Variants in AKT3 observed in about 807,000 individuals in gnomAD.
AKT3 encodes the protein AKT serine/threonine kinase 3, also known as RAC-gamma serine/threonine-protein kinase.
In AKT3, 15 loss-of-function variants were observed where a neutral mutation model predicts 65.3. The observed-to-expected ratio is 0.23, with a 90% CI of 0.15 to 0.35. The LOEUF is 0.35. Among genes scored for constraint, AKT3 ranks in the 10% least tolerant of loss-of-function variants. AKT3 has a pLI of 1.00. For synonymous variants in AKT3, 206 were observed against 183.8 expected, an observed-to-expected ratio of 1.12 and a Z score of -0.98; for missense variants, 243 against 576.5, an observed-to-expected ratio of 0.42 and a Z score of 5.92.
intron 4 of AKT3, among the ~76,000 whole-genome samples, chr1:243,659,075 A>G (rs950586073): frequency 6.6e-6 from 1 of 152,148 alleles, no homozygotes; most frequent in African/African-American, 2.4e-5. Context: ...ATACAATGGA[A>G]TATTATTCAG....
At chr1:243,560,604 T>C (rs1327785598) in intron 10 of AKT3, among the ~76,000 whole-genome samples, 1 of 152,146 alleles carries the variant, frequency 6.6e-6, no homozygotes, top group East Asian at 1.9e-4. Context: ...CCACCAAGGA[T>C]GGGTATACAA....
intron 1 of AKT3, chr1:243,843,594 G>A (rs2148478495): frequency 3.0e-6 from 3 of 1,002,428 alleles, no homozygotes; most frequent in Non-Finnish European, 2.4e-6. Context: ...GGTGAAGAGG[G>A]AAGAGAATGA....
intron 1 of AKT3, among the ~76,000 whole-genome samples, chr1:243,848,793 T>G (rs1203887946): frequency 6.6e-6 from 1 of 152,258 alleles, no homozygotes; most frequent in African/African-American, 2.4e-5. Context: ...TTACCCAATA[T>G]AGATGCATAG....
intron 2 of AKT3, among the ~76,000 whole-genome samples, chr1:243,714,599 T>C (rs1686385191): frequency 1.3e-5 from 2 of 152,190 alleles, no homozygotes; most frequent in South Asian, 4.1e-4. Flanking sequence ...TCCTTGCATA[T>C]GTCCTAAAAA....
At chr1:243,594,042 T>C (rs1000255040) in intron 8 of AKT3, among the ~76,000 whole-genome samples, 1 of 152,154 alleles carries the variant, frequency 6.6e-6, no homozygotes, top group South Asian at 2.1e-4. Flanking sequence ...ACTATCTACA[T>C]AGACATTTCA....
At chr1:243,701,353 A>C (rs561501982) in intron 2 of AKT3, among the ~76,000 whole-genome samples, 18 of 152,324 alleles carry the variant, frequency 1.2e-4, no homozygotes, top group African/African-American at 4.3e-4. Flanking sequence ...TCCAGAACCT[A>C]GTTCTAATTC....
chr1:243,642,483 G>A (rs938458322), intron 5 of AKT3, among the ~76,000 whole-genome samples: 78 of 152,066 alleles, frequency 5.1e-4, no homozygotes, highest in Non-Finnish European at 3.2e-4. Flanking sequence ...TTAATTTTTT[G>A]TATTTTTAGT....
intron 2 of AKT3, among the ~76,000 whole-genome samples, chr1:243,777,308 C>A (rs1351572074): frequency 1.3e-5 from 2 of 152,216 alleles, no homozygotes; most frequent in Non-Finnish European, 2.9e-5. Flanking sequence ...CACAGCTAAT[C>A]TGACAAGAGG....
chr1:243,536,527 A>T (rs574951983), intron 12 of AKT3, among the ~76,000 whole-genome samples: 22 of 152,286 alleles, frequency 1.4e-4, no homozygotes, highest in African/African-American at 5.3e-4. Flanking sequence ...TTAGCCTCAA[A>T]TTATTATTGT....
At chr1:243,806,047 T>A (rs1692703362) in intron 2 of AKT3, among the ~76,000 whole-genome samples, 1 of 152,138 alleles carries the variant, frequency 6.6e-6, no homozygotes, top group African/African-American at 2.4e-5. Flanking sequence ...GCTTCCTATT[T>A]TCTATTGCCT....
Position 243,504,685 on chromosome 1 carries a change from T to C in AKT3, c.*564A>G, listed in dbSNP as rs1209225039. On this transcript the variant is annotated 3_prime_UTR_variant, in exon 14 of 14. Transcript: ENST00000673466. ...ACAGTTGTTCAGTCCTTCTACCAAA[T>C]GCTTCCTAATCAATTCCAGCCACAG... 5.6e-6 allele frequency: 1 copy of C among 178,774 alleles called. No homozygotes were observed. Among genetic ancestry groups the C allele is most frequent in the Non-Finnish European group, 1.2e-5 (1 of 83,524 alleles). The allele number at this position is 178,774 out of a possible 1,614,324, so 11.1% of individuals were successfully genotyped here.
At chr1:243,533,654 G>A (rs1671700767) in intron 12 of AKT3, among the ~76,000 whole-genome samples, 1 of 152,074 alleles carries the variant, frequency 6.6e-6, no homozygotes, top group African/African-American at 2.4e-5. Context: ...AATAAAAATG[G>A]GATACACACA....
rs1232893195 is a variant in AKT3, at chr1:243,730,879, G to A, written c.47-35163C>T. 5.3e-5 allele frequency among the ~76,000 whole-genome samples: 8 copies of A among 152,174 alleles called. No individual in the cohort carries two copies. The East Asian group carries it at 5.8e-4, about 11-fold the overall frequency. On this transcript the variant is annotated intron_variant, in intron 2 of 13. Coordinates refer to ENST00000673466, the MANE Select transcript of AKT3 (RefSeq NM_005465.7). ...TCCAGCTGCAGCCTGGCAAGGAGCC[G>A]GCACCTCTGCCAGCACCCAGAGCTG...
intron 2 of AKT3, among the ~76,000 whole-genome samples, chr1:243,790,472 C>T (rs1691551357): frequency 1.3e-5 from 2 of 152,142 alleles, no homozygotes; most frequent in South Asian, 4.1e-4. Flanking sequence ...TTAGGGCCTG[C>T]CTCTGGATTA....
chr1:243,836,475 A>G (rs1234112947), intron 2 of AKT3, among the ~76,000 whole-genome samples: 1 of 152,104 alleles, frequency 6.6e-6, no homozygotes, highest in Non-Finnish European at 1.5e-5. Flanking sequence ...TAGAGGAAAA[A>G]AAAAAAACGA....
chr1:243,654,481 T>G (rs1379696725), intron 4 of AKT3, among the ~76,000 whole-genome samples: 2 of 152,118 alleles, frequency 1.3e-5, no homozygotes, highest in Non-Finnish European at 2.9e-5. Flanking sequence ...TCTTATCAAA[T>G]TATTGGAGGG....
chr1:243,787,728 T>C (rs1415630502), intron 2 of AKT3, among the ~76,000 whole-genome samples: 2 of 152,174 alleles, frequency 1.3e-5, no homozygotes, highest in East Asian at 1.9e-4. Flanking sequence ...CTCCTTTGAG[T>C]ATACCAATTT....
intron 7 of AKT3, among the ~76,000 whole-genome samples, chr1:243,614,173 G>C (rs1203216506): frequency 6.6e-6 from 1 of 152,042 alleles, no homozygotes; most frequent in Non-Finnish European, 1.5e-5. Flanking sequence ...TGCATATTGA[G>C]TGCACAACAG....
intron 2 of AKT3, among the ~76,000 whole-genome samples, chr1:243,788,328 G>A (rs994021417): frequency 2.0e-5 from 3 of 152,084 alleles, no homozygotes; most frequent in Admixed American, 6.5e-5. Context: ...AAGCTATTCC[G>A]AAATACCAAT....
Sources: gnomAD v4.1 joint callset for allele counts (sites outside exome capture counted in the v4.1 genomes callset) on GRCh38, gnomAD v4.1.1 for gene constraint, MANE v1.5 for transcripts, NCBI Gene and HGNC (gene_info 2026-07-23, HGNC 2026-07-21) for gene names.